The following SPMIP2 variants were observed in gnomAD, a reference collection of about 807,000 sequenced individuals.
SPMIP2 encodes the protein protein SPMIP2.
chr4:158,906,499 A>G, the SPMIP2 span: 2 of 152,208 alleles, frequency 1.3e-5, no homozygotes, highest in African/African-American at 4.8e-5. Context: ...TGAGCTTTAA[A>G]TCGTTGATTC....
At chr4:159,072,421 T>TAATG in the SPMIP2 span, among the ~76,000 whole-genome samples, 3 of 152,094 alleles carry the variant, frequency 2.0e-5, no homozygotes, top group Non-Finnish European at 4.4e-5. Flanking sequence ...TATAGTGTTT[T>TAATG]AATGATGCTC....
the SPMIP2 span, among the ~76,000 whole-genome samples, chr4:158,949,125 A>G: frequency 2.0e-5 from 3 of 152,140 alleles, no homozygotes; most frequent in African/African-American, 7.2e-5. Flanking sequence ...ACCATACTGA[A>G]TCTTTATCCT....
chr4:158,905,324 A>G, the SPMIP2 span: 1 of 152,174 alleles, frequency 6.6e-6, no homozygotes, highest in Non-Finnish European at 1.5e-5. Flanking sequence ...CGTATGTTTT[A>G]TCCTTATATT....
chr4:158,965,440 G>A, the SPMIP2 span, among the ~76,000 whole-genome samples: 127 of 152,236 alleles, frequency 8.3e-4, no homozygotes, highest in Non-Finnish European at 1.6e-3. Flanking sequence ...CACTATGTGT[G>A]CTCAGTGCAG....
the SPMIP2 span, among the ~76,000 whole-genome samples, chr4:158,943,832 C>T: frequency 3.4e-5 from 5 of 146,360 alleles, no homozygotes; most frequent in Non-Finnish European, 7.4e-5. Context: ...GGCCCTTCAT[C>T]TGCCTCTAGT....
At chr4:159,073,823 GA>G in the SPMIP2 span, among the ~76,000 whole-genome samples, 1 of 152,154 alleles carries the variant, frequency 6.6e-6, no homozygotes, top group Non-Finnish European at 1.5e-5. Context: ...CCAAAATGGT[GA>G]AACACTATCT....
the SPMIP2 span, among the ~76,000 whole-genome samples, chr4:159,009,821 T>A: frequency 0.014 from 2,052 of 151,898 alleles, 27 homozygotes; most frequent in Middle Eastern, 0.048. Flanking sequence ...TAAAAAAAAA[T>A]GCAAAATTAC....
the SPMIP2 span, among the ~76,000 whole-genome samples, chr4:159,072,507 A>G: frequency 8.2e-6 from 1 of 122,136 alleles, no homozygotes; most frequent in South Asian, 2.6e-4. Flanking sequence ...CCCAGGCTGG[A>G]GTGTGGAGTG....
chr4:158,934,980 A>G, the SPMIP2 span, among the ~76,000 whole-genome samples: 1 of 152,228 alleles, frequency 6.6e-6, no homozygotes, highest in Non-Finnish European at 1.5e-5. Context: ...TTTCTAACAC[A>G]TGGATTTGAT....
the SPMIP2 span, among the ~76,000 whole-genome samples, chr4:159,014,988 TA>T: frequency 1.3e-5 from 2 of 152,252 alleles, no homozygotes. Context: ...CATTGCAACT[TA>T]ATTTTTTCCA....
the SPMIP2 span, among the ~76,000 whole-genome samples, chr4:159,020,294 TGGTGAGTA>T: frequency 6.6e-6 from 1 of 152,174 alleles, no homozygotes; most frequent in African/African-American, 2.4e-5. Flanking sequence ...GGGGGTGGGA[TGGTGAGTA>T]GAACAGAGGG....
the SPMIP2 span, among the ~76,000 whole-genome samples, chr4:158,898,220 G>A: frequency 1.1e-4 from 17 of 152,090 alleles, no homozygotes; most frequent in East Asian, 5.8e-4. Flanking sequence ...TACCAATACC[G>A]TGCTGTTTTG....
the SPMIP2 span, among the ~76,000 whole-genome samples, chr4:158,944,217 C>T: frequency 1.3e-5 from 2 of 152,030 alleles, no homozygotes; most frequent in South Asian, 2.1e-4. Flanking sequence ...TCCACTTCAC[C>T]TCCCATTCAT....
the SPMIP2 span, among the ~76,000 whole-genome samples, chr4:159,027,680 C>T: frequency 6.6e-6 from 1 of 152,170 alleles, no homozygotes; most frequent in Admixed American, 6.5e-5. Flanking sequence ...ACTGGCAATT[C>T]AGTGTGAAGT....
At chr4:159,059,438 A>G in the SPMIP2 span, among the ~76,000 whole-genome samples, 1 of 152,236 alleles carries the variant, frequency 6.6e-6, no homozygotes, top group Non-Finnish European at 1.5e-5. Flanking sequence ...AATGGCACAA[A>G]TGTGCCTCAC....
chr4:159,060,550 G>A, the SPMIP2 span, among the ~76,000 whole-genome samples: 1 of 152,152 alleles, frequency 6.6e-6, no homozygotes, highest in African/African-American at 2.4e-5. Context: ...CAGAATAGTA[G>A]GTAAGGATGG....
chr4:158,898,287 G>C, the SPMIP2 span, among the ~76,000 whole-genome samples: 1 of 152,130 alleles, frequency 6.6e-6, no homozygotes, highest in African/African-American at 2.4e-5. Context: ...CTCCAGCTTT[G>C]TTCTTTTTGC....
chr4:159,005,074 T>C, the SPMIP2 span, among the ~76,000 whole-genome samples: 1 of 151,806 alleles, frequency 6.6e-6, no homozygotes, highest in Admixed American at 6.6e-5. Context: ...CTACTAAAAA[T>C]ACAAAAATTA....
chr4:158,948,770 A>C, the SPMIP2 span, among the ~76,000 whole-genome samples: 14 of 151,932 alleles, frequency 9.2e-5, no homozygotes, highest in South Asian at 2.5e-3. Context: ...ATGCCCAGCT[A>C]ATTTTTGTAT....
Sources: gnomAD v4.1 joint callset for allele counts (sites outside exome capture counted in the v4.1 genomes callset) on GRCh38, gnomAD v4.1.1 for gene constraint, MANE v1.5 for transcripts, NCBI Gene and HGNC (gene_info 2026-07-23, HGNC 2026-07-21) for gene names.